The following EXOSC1 variants were observed in gnomAD, a reference collection of about 807,000 sequenced individuals.
EXOSC1 encodes exosome complex component CSL4.
In EXOSC1, 27 loss-of-function variants were observed where a neutral mutation model predicts 31.4. That is an observed-to-expected ratio of 0.86 (90% CI 0.63 to 1.18). The LOEUF (loss-of-function observed/expected upper bound fraction) is 1.18, where lower values mean the gene tolerates loss of function less well. Ranked by LOEUF, EXOSC1 falls within the 50% of genes most tolerant of loss-of-function variation. The pLI is 0.00. For missense variants in EXOSC1, 228 were observed against 250.3 expected (o/e 0.91, Z 0.60); for synonymous variants, 84 against 89.5 (o/e 0.94, Z 0.35).
chr10:97,441,259 C>T lies in EXOSC1; in HGVS notation c.223G>A (p.Val75Ile), dbSNP rs371796546. The change falls in exon 4 of 8, where the codon GTC (valine) becomes ATC (isoleucine). Residue 75 changes from valine to isoleucine, a missense_variant and splice_region_variant. Coordinates refer to ENST00000370902, the MANE Select transcript of EXOSC1 (RefSeq NM_016046.5). The part of the protein sequence containing the change: ...PDVGAIVTCK[V>I]SSINSRFAKV... ...GCAAAGCGTGAATTGATGCTAGAGA[C>T]CTGCGGAATAGAGAAAAGATCAGCA... is the stretch of plus-strand genomic sequence containing the variant. 1.2e-6 allele frequency: 2 copies of T among 1,613,702 alleles called. No homozygotes were observed. The highest frequency in any genetic ancestry group is 2.2e-5 in the East Asian group (1 of 44,874).
intron 6 of EXOSC1, 69 bp downstream of exon 6, chr10:97,437,631 A>T (rs376945457): frequency 1.4e-6 from 2 of 1,466,722 alleles, no homozygotes; most frequent in African/African-American, 2.8e-5. Context: ...TACAGGCATG[A>T]GCCACCACAC....
rs1452670127 is a variant in EXOSC1, at chr10:97,441,158, G to A, written c.311+13C>T. On this transcript the variant is annotated intron_variant, in intron 4 of 7. Transcript: ENST00000370902. ...CCAGTTGCTAAGGTATATGTGAAAA[G>A]GATACTTCTTACCGGATAGTTCCTC... 1 of 1,607,464 alleles carries A rather than the reference G, an allele frequency of 6.2e-7. No individual in the cohort carries two copies. Among genetic ancestry groups the A allele is most frequent in the Non-Finnish European group, 8.5e-7 (1 of 1,174,296 alleles).
intron 3 of EXOSC1, among the ~76,000 whole-genome samples, chr10:97,442,923 A>T (rs1043536441): frequency 3.4e-4 from 52 of 152,110 alleles, no homozygotes; most frequent in African/African-American, 1.2e-3. Flanking sequence ...ACTCCTGACC[A>T]CAGGTGATCT....
At chr10:97,439,470 A>G (rs762823047) in intron 4 of EXOSC1, among the ~76,000 whole-genome samples, 1 of 152,204 alleles carries the variant, frequency 6.6e-6, no homozygotes, top group Non-Finnish European at 1.5e-5. Flanking sequence ...TGAACTGCAC[A>G]TATGAGGGAG....
In EXOSC1 at chr10:97,445,534, A is replaced by G. The variant is rs1845922681; in HGVS notation, c.147+198T>C. 3 of 575,230 alleles carry G rather than the reference A, an allele frequency of 5.2e-6. No individual in the cohort carries two copies. The Admixed American group carries it at 9.8e-5, about 19-fold the overall frequency. 35.6% of individuals were successfully genotyped at this position (575,230 alleles called of 1,614,324 possible). The stretch of plus-strand genomic sequence containing the variant: ...ACTTCCCTCCCCGAGGGTCAGCAGC[A>G]CAACCAAGCGAGATCAACACAACTA... On this transcript the variant is annotated intron_variant, in intron 2 of 7. Coordinates refer to ENST00000370902, the MANE Select transcript of EXOSC1 (RefSeq NM_016046.5).
At position 97,443,312 on chromosome 10, in the gene EXOSC1, C is replaced by T. The variant is rs750447292; in HGVS notation, c.148-1G>A. 5 of 1,613,120 alleles carry T rather than the reference C, an allele frequency of 3.1e-6. No individual in the cohort carries two copies. The Admixed American group carries it at 8.4e-5, about 27-fold the overall frequency. On this transcript the variant is annotated splice_acceptor_variant, in intron 2 of 7. Coordinates refer to ENST00000370902, the MANE Select transcript of EXOSC1 (RefSeq NM_016046.5). LOFTEE classifies it high-confidence loss of function. ...CTCTCACTACAGACACCACTGGAAG[C>T]TACAGAGGGAACAACAAAAAACTGA...
intron 5 of EXOSC1, among the ~76,000 whole-genome samples, 171 bp from the exon 6 acceptor site, chr10:97,437,921 GA>G (rs1845594853): frequency 6.6e-6 from 1 of 151,944 alleles, no homozygotes; most frequent in Non-Finnish European, 1.5e-5. Context: ...TCATACAAAT[GA>G]AAATTTTTTT....
Position 97,437,106 on chromosome 10 carries a change from G to C in EXOSC1, c.481+85C>G, listed in dbSNP as rs113499786. ...ATATCTATAGCCATACTGCTTCCCA[G>C]ATAAGGGAAACCAGGAAAAACAATG... On this transcript the variant is annotated intron_variant, in intron 7 of 7. Transcript: ENST00000370902. 129 of 1,214,432 alleles carry C rather than the reference G, an allele frequency of 1.1e-4. 3 individuals carry two copies. The highest frequency in any genetic ancestry group is 1.0e-3 in the African/African-American group (68 of 66,658). The allele number at this position is 1,214,432 out of a possible 1,614,324, so 75.2% of individuals were successfully genotyped here. A position where few individuals can be genotyped will look rare whatever the true frequency, so the allele number is the denominator to read the frequency against.
intron 4 of EXOSC1, among the ~76,000 whole-genome samples, chr10:97,439,964 C>A (rs1845662639): frequency 6.6e-6 from 1 of 151,286 alleles, no homozygotes; most frequent in African/African-American, 2.4e-5. Context: ...CCTAAAATGC[C>A]TTCTACTTTT....
intron 3 of EXOSC1, 94 bp downstream of exon 3, chr10:97,443,143 C>T: frequency 1.9e-6 from 2 of 1,032,832 alleles, no homozygotes; most frequent in Non-Finnish European, 2.9e-6. Flanking sequence ...ATTTATGTAG[C>T]TTGTGGCTAT....
chr10:97,443,469 A>T (rs1201102950), intron 2 of EXOSC1, among the ~76,000 whole-genome samples, 158 bp from the exon 3 acceptor site: 2 of 152,226 alleles, frequency 1.3e-5, no homozygotes, highest in Non-Finnish European at 2.9e-5. Context: ...AAATTTTAGG[A>T]AATAGGAGGA....
intron 2 of EXOSC1, chr10:97,444,978 G>T (rs745811237): frequency 6.6e-6 from 1 of 152,194 alleles, no homozygotes; most frequent in Non-Finnish European, 1.5e-5. Flanking sequence ...CACGGACTTA[G>T]ATTTAAGCAG....
Position 97,438,713 on chromosome 10 carries a change from A to G in EXOSC1, c.312-10T>C, listed in dbSNP as rs750943991. ...TCGGACATCTTCCTTGCTATAAAAA[A>G]AGAATTAACAGAAAGATTAATTACC... On this transcript the variant is annotated splice_polypyrimidine_tract_variant and intron_variant, in intron 4 of 7. Coordinates refer to ENST00000370902, the MANE Select transcript of EXOSC1 (RefSeq NM_016046.5). 1.9e-6 allele frequency: 3 copies of G among 1,602,156 alleles called. No individual in the cohort carries two copies. The East Asian group carries it at 6.7e-5, about 36-fold the overall frequency.
At chr10:97,437,355 C>CTTT in intron 6 of EXOSC1, 80 bp from the exon 7 acceptor site, 1 of 891,130 alleles carries the variant, frequency 1.1e-6, no homozygotes, top group Non-Finnish European at 1.7e-6. Flanking sequence ...GTTTTTCTAC[C>CTTT]TTTTTTTTTT....
At chr10:97,439,931 C>G (rs1345922679) in intron 4 of EXOSC1, among the ~76,000 whole-genome samples, 2 of 150,730 alleles carry the variant, frequency 1.3e-5, no homozygotes, top group Admixed American at 1.3e-4. Flanking sequence ...TGAGTTCAAT[C>G]TATATTAAAT....
intron 3 of EXOSC1, 148 bp from the exon 4 acceptor site, chr10:97,441,407 G>A (rs1460916982): frequency 3.0e-5 from 15 of 502,536 alleles, no homozygotes; most frequent in Admixed American, 1.3e-4. Context: ...TTCTCTCTGC[G>A]TAAGTGACAC....
Position 97,445,862 on chromosome 10 carries a change from C to T in EXOSC1, c.32-15G>A, listed in dbSNP as rs190045765. 9.2e-5 allele frequency: 149 copies of T among 1,613,776 alleles called. No homozygotes were observed. The African/African-American group carries it at 1.8e-3, about 20-fold the overall frequency. ...CAGACGTTCGCCTGCAGAAAAAATG[C>T]TGCATCGGTCACGGGCCCCCAGAAG... On this transcript the variant is annotated splice_polypyrimidine_tract_variant and intron_variant, in intron 1 of 7. Coordinates refer to ENST00000370902, the MANE Select transcript of EXOSC1 (RefSeq NM_016046.5).
In EXOSC1 at chr10:97,445,805, C is replaced by T; in HGVS notation, c.74G>A (p.Gly25Asp). ...GATGTAGCCGTGGCGGGTGTAGGTG[C>T]CGCTGCCCGGGCTGCCCTCCTCCAA... The part of the protein sequence containing the change: ...CNLEEGSPGS[G>D]TYTRHGYIFS... The change falls in exon 2 of 8, where the codon GGC becomes GAC. Residue 25 changes from glycine to aspartate, a missense_variant. Transcript: ENST00000370902. 1 of 1,613,836 alleles carries T rather than the reference C, an allele frequency of 6.2e-7. No individual in the cohort carries two copies. Among genetic ancestry groups the T allele is most frequent in the Non-Finnish European group, 8.5e-7 (1 of 1,179,878 alleles).
rs1425525500 is a variant in EXOSC1, at chr10:97,445,800, A to G, written c.79T>C (p.Tyr27His). 5 of 1,613,722 alleles carry G rather than the reference A, an allele frequency of 3.1e-6. No individual in the cohort carries two copies. In the Admixed American group the frequency reaches 6.7e-5, roughly 22 times the overall value. The change falls in exon 2 of 8, where the codon TAC becomes CAC. Residue 27 changes from tyrosine to histidine, a missense_variant. Coordinates refer to ENST00000370902, the MANE Select transcript of EXOSC1 (RefSeq NM_016046.5). Reference protein sequence around the residue: ...LEEGSPGSGTYTRHGYIFSSL... With the variant: ...LEEGSPGSGTHTRHGYIFSSL... ...GAAAAGATGTAGCCGTGGCGGGTGT[A>G]GGTGCCGCTGCCCGGGCTGCCCTCC...
Sources: allele counts gnomAD v4.1 joint callset (sites outside exome capture counted in the v4.1 genomes callset), GRCh38; gene constraint gnomAD v4.1.1; transcripts MANE v1.5; gene names NCBI Gene and HGNC (gene_info 2026-07-23, HGNC 2026-07-21).